CNTN5: variants seen among roughly 807,000 people sequenced by gnomAD.
CNTN5 encodes the protein contactin-5.
CNTN5 carries 77 observed loss-of-function variants against 129.1 expected under a neutral mutation model. That is an observed-to-expected ratio of 0.60 (90% CI 0.50 to 0.72). The LOEUF (loss-of-function observed/expected upper bound fraction) is 0.72, where lower values mean the gene tolerates loss of function less well. Among genes scored for constraint, CNTN5 ranks in the 30% least tolerant of loss-of-function variants. The pLI is 0.00. For synonymous variants in CNTN5, 509 were observed against 465.6 expected (o/e 1.09, Z -1.20); for missense variants, 1,478 against 1,328.8 (o/e 1.11, Z -1.75).
chr11:99,710,567 ATGTGTGTGTGTGTGTG>A (rs71050018), intron 3 of CNTN5, among the ~76,000 whole-genome samples: 3 of 140,476 alleles, frequency 2.1e-5, no homozygotes, highest in Admixed American at 2.1e-4. Flanking sequence ...GTGTGTGTGC[ATGTGTGTGTGTGTGTG>A]TGTGTGTGTG....
intron 13 of CNTN5, among the ~76,000 whole-genome samples, chr11:100,076,423 A>G (rs1303842805): frequency 6.6e-6 from 1 of 152,156 alleles, no homozygotes; most frequent in Non-Finnish European, 1.5e-5. Context: ...AAGCAAAAGT[A>G]TTGAGAGAAG....
chr11:99,967,514 T>C (rs1951127283), intron 8 of CNTN5, among the ~76,000 whole-genome samples: 1 of 152,190 alleles, frequency 6.6e-6, no homozygotes, highest in Non-Finnish European at 1.5e-5. Flanking sequence ...GGGATTTGCC[T>C]GTCCTTGTTC....
At chr11:99,982,807 A>AT (rs1304578426) in intron 8 of CNTN5, among the ~76,000 whole-genome samples, 1 of 151,870 alleles carries the variant, frequency 6.6e-6, no homozygotes, top group African/African-American at 2.4e-5. Context: ...CGCCCAGTTA[A>AT]TTTTTTTGTA....
intron 2 of CNTN5, among the ~76,000 whole-genome samples, chr11:99,434,269 G>GA (rs1390378052): frequency 1.3e-5 from 2 of 151,960 alleles, no homozygotes; most frequent in African/African-American, 4.8e-5. Flanking sequence ...GCATGTTTCT[G>GA]AAAAAACAGT....
intron 3 of CNTN5, among the ~76,000 whole-genome samples, chr11:99,769,101 AATTATAC>A (rs1031729254): frequency 6.6e-6 from 1 of 152,112 alleles, no homozygotes; most frequent in African/African-American, 2.4e-5. Flanking sequence ...TTCAATGTGA[AATTATAC>A]ATTACTTGCA....
At chr11:99,254,131 C>T (rs932008228) in intron 1 of CNTN5, among the ~76,000 whole-genome samples, 5 of 151,462 alleles carry the variant, frequency 3.3e-5, no homozygotes, top group African/African-American at 1.2e-4. Flanking sequence ...TAAATTAATG[C>T]TATATTAGAT....
At chr11:100,109,380 T>G (rs551683267) in intron 13 of CNTN5, among the ~76,000 whole-genome samples, 2 of 152,162 alleles carry the variant, frequency 1.3e-5, no homozygotes, top group Admixed American at 1.3e-4. Context: ...AAGCCAAGAT[T>G]GCGCCGCTGT....
At chr11:100,323,643 C>A (rs952996605) in intron 21 of CNTN5, among the ~76,000 whole-genome samples, 20 of 124,502 alleles carry the variant, frequency 1.6e-4, no homozygotes, top group Non-Finnish European at 2.9e-4. Context: ...TCCTCCCCCC[C>A]CCTTCTTTTC....
chr11:100,245,471 T>A (rs1415883041), intron 16 of CNTN5, among the ~76,000 whole-genome samples: 1 of 152,094 alleles, frequency 6.6e-6, no homozygotes, highest in Non-Finnish European at 1.5e-5. Context: ...TTGGCAGGAC[T>A]GATATAGGCT....
chr11:99,639,529 T>C (rs1285074772), intron 3 of CNTN5, among the ~76,000 whole-genome samples: 2 of 151,496 alleles, frequency 1.3e-5, no homozygotes, highest in Admixed American at 6.6e-5. Context: ...TATAAAACAA[T>C]GTATTTAACA....
intron 3 of CNTN5, among the ~76,000 whole-genome samples, chr11:99,686,870 C>G (rs747086340): frequency 6.6e-6 from 1 of 152,084 alleles, no homozygotes; most frequent in Non-Finnish European, 1.5e-5. Context: ...GAGATGTGAA[C>G]CTTTATTTTG....
At chr11:100,090,423 G>GCCTT (rs1486185274) in intron 13 of CNTN5, among the ~76,000 whole-genome samples, 210 of 144,408 alleles carry the variant, frequency 1.5e-3, no homozygotes, top group Admixed American at 7.6e-3. Flanking sequence ...TTTCTTTTCT[G>GCCTT]CCTGCCTGCC....
At chr11:100,150,679 A>T (rs1947025615) in intron 13 of CNTN5, among the ~76,000 whole-genome samples, 1 of 151,974 alleles carries the variant, frequency 6.6e-6, no homozygotes, top group Admixed American at 6.6e-5. Context: ...CATCAACACA[A>T]GCAGAAGAAC....
chr11:99,294,743 T>C (rs1213176902), intron 1 of CNTN5, among the ~76,000 whole-genome samples: 2 of 152,232 alleles, frequency 1.3e-5, no homozygotes, highest in Admixed American at 6.5e-5. Context: ...AGGATACTCC[T>C]TATTTAGAGC....
At chr11:99,160,287 GACA>G (rs756046279) in intron 1 of CNTN5, among the ~76,000 whole-genome samples, 9 of 152,288 alleles carry the variant, frequency 5.9e-5, no homozygotes, top group South Asian at 4.1e-4. Flanking sequence ...CTTATGTTAT[GACA>G]ACATTTGGGG....
At chr11:99,806,424 A>G (rs1442492369) in intron 3 of CNTN5, among the ~76,000 whole-genome samples, 1 of 152,174 alleles carries the variant, frequency 6.6e-6, no homozygotes, top group Non-Finnish European at 1.5e-5. Context: ...AATACTATGT[A>G]TGTGAGTGAG....
At chr11:99,650,530 A>G (rs1402429862) in intron 3 of CNTN5, among the ~76,000 whole-genome samples, 1 of 151,920 alleles carries the variant, frequency 6.6e-6, no homozygotes, top group Non-Finnish European at 1.5e-5. Flanking sequence ...TAAAACATAG[A>G]TGTTACATAA....
chr11:99,171,825 T>A (rs1861162722), intron 1 of CNTN5, among the ~76,000 whole-genome samples: 1 of 152,178 alleles, frequency 6.6e-6, no homozygotes, highest in Non-Finnish European at 1.5e-5. Context: ...TTACAATATA[T>A]TGGCACTTTT....
intron 6 of CNTN5, among the ~76,000 whole-genome samples, chr11:99,874,989 A>G (rs1948595870): frequency 6.6e-6 from 1 of 152,120 alleles, no homozygotes; most frequent in Non-Finnish European, 1.5e-5. Flanking sequence ...TAGAAGGTCT[A>G]GTTTCTTTGG....
Sources: allele counts gnomAD v4.1 joint callset (sites outside exome capture counted in the v4.1 genomes callset), GRCh38; gene constraint gnomAD v4.1.1; transcripts MANE v1.5; gene names NCBI Gene and HGNC (gene_info 2026-07-23, HGNC 2026-07-21).